The following SUFU variants were observed in gnomAD, a reference collection of about 807,000 sequenced individuals.
SUFU encodes the protein suppressor of fused homolog.
SUFU carries 7 observed loss-of-function variants against 58.9 expected under a neutral mutation model. The observed-to-expected ratio is 0.12, with a 90% CI of 0.07 to 0.22. SUFU has a LOEUF of 0.22. Among genes scored for constraint, SUFU ranks in the 10% least tolerant of loss-of-function variants. The pLI is 1.00. For synonymous variants in SUFU, 232 were observed against 254.8 expected (o/e 0.91, Z 0.85); for missense variants, 451 against 641.3 (o/e 0.70, Z 3.20).
chr10:102,526,323 G>A (rs377114500), intron 2 of SUFU, among the ~76,000 whole-genome samples: 2 of 152,138 alleles, frequency 1.3e-5, no homozygotes, highest in Admixed American at 6.5e-5. Flanking sequence ...GAGGCCACGG[G>A]GGGGTGGATC....
intron 3 of SUFU, among the ~76,000 whole-genome samples, chr10:102,588,544 A>G (rs1402679979): frequency 6.6e-6 from 1 of 152,206 alleles, no homozygotes; most frequent in East Asian, 1.9e-4. Flanking sequence ...TTTTGAAATC[A>G]GGAAAATTAA....
At chr10:102,626,019 C>T (rs2063783204) in intron 10 of SUFU, among the ~76,000 whole-genome samples, 1 of 152,216 alleles carries the variant, frequency 6.6e-6, no homozygotes, top group Non-Finnish European at 1.5e-5. Flanking sequence ...GATCTTCACC[C>T]CATTATCTTT....
At chr10:102,526,993 G>GTTTTTTT (rs34862176) in intron 2 of SUFU, among the ~76,000 whole-genome samples, 3 of 102,046 alleles carry the variant, frequency 2.9e-5, no homozygotes, top group Non-Finnish European at 3.8e-5. Flanking sequence ...TATTATTATT[G>GTTTTTTT]TTTTTTTTTT....
intron 8 of SUFU, among the ~76,000 whole-genome samples, chr10:102,611,935 A>G (rs2063628187): frequency 6.6e-6 from 1 of 152,146 alleles, no homozygotes; most frequent in South Asian, 2.1e-4. Flanking sequence ...TCCAGCCCCC[A>G]AAGCCATGCC....
rs1227110017 is a variant in SUFU, at chr10:102,632,757, G to A, written c.*2602G>A. The A allele has an allele frequency of 8.6e-6, 2 of 233,286 alleles. No homozygotes were observed. The highest frequency in any genetic ancestry group is 4.4e-5 in the African/African-American group (2 of 45,338). 14.5% of individuals were successfully genotyped at this position (233,286 alleles called of 1,614,324 possible). On this transcript the variant is annotated 3_prime_UTR_variant, in exon 12 of 12. Transcript: ENST00000369902. Reference sequence around the variant, plus strand: ...TGCCTAGTTGTACCCACCCCTCCAGGTCCCTGGTGCTAGAGCTTCTGAGAA... The same window carrying A: ...TGCCTAGTTGTACCCACCCCTCCAGATCCCTGGTGCTAGAGCTTCTGAGAA...
intron 8 of SUFU, among the ~76,000 whole-genome samples, chr10:102,601,860 C>A (rs1590069905): frequency 6.6e-6 from 1 of 152,198 alleles, no homozygotes; most frequent in East Asian, 1.9e-4. Context: ...GGGGGGCAGC[C>A]AGCGTGGGCC....
Position 102,592,614 on chromosome 10 carries a change from T to C in SUFU, c.487T>C (p.Trp163Arg), listed in dbSNP as rs1345244778. The C allele has an allele frequency of 6.2e-7, 1 of 1,614,066 alleles. No homozygotes were observed. The highest frequency in any genetic ancestry group is 8.5e-7 in the Non-Finnish European group (1 of 1,180,030). Reference sequence around the variant, plus strand: ...CTTCTGCAGTGGGGACCATGTGTCCTGGCACAGCCCTTTGGATAACAGTGA... The same window carrying C: ...CTTCTGCAGTGGGGACCATGTGTCCCGGCACAGCCCTTTGGATAACAGTGA... ...NTFCSGDHVS[W>R]HSPLDNSESR... The change falls in exon 4 of 12, where the codon TGG becomes CGG. Residue 163 changes from tryptophan to arginine, a missense_variant. Transcript: ENST00000369902.
At position 102,530,990 on chromosome 10, in the gene SUFU, C is replaced by T. The variant is rs186799941; in HGVS notation, c.318-18980C>T. ...TGGTGGTTCACACCTGTAGTCCCAGCGCTTTGGGAGGCTGAGTCAGGAGGA... is the reference window on the plus strand; with the variant it reads ...TGGTGGTTCACACCTGTAGTCCCAGTGCTTTGGGAGGCTGAGTCAGGAGGA... On this transcript the variant is annotated intron_variant, in intron 2 of 11. Coordinates refer to ENST00000369902, the MANE Select transcript of SUFU (RefSeq NM_016169.4). Among the ~76,000 whole-genome samples the T allele has an allele frequency of 4.1e-4, 61 of 150,370 alleles. 1 individual carries two copies. Among genetic ancestry groups the T allele is most frequent in the Admixed American group, 3.7e-3 (55 of 14,946 alleles).
In SUFU at chr10:102,517,311, A is replaced by G. The variant is rs536250684; in HGVS notation, c.317+8008A>G. Among the ~76,000 whole-genome samples, 37 of 152,156 alleles carry G rather than the reference A, an allele frequency of 2.4e-4. 1 individual carries two copies. The highest frequency in any genetic ancestry group is 1.9e-3 in the South Asian group (9 of 4,810). ...CAAAAAAACAAAACAAAGCAAAACA[A>G]ACAAACAAAAAGAACAACTGAGTGG... On this transcript the variant is annotated intron_variant, in intron 2 of 11. Coordinates refer to ENST00000369902, the MANE Select transcript of SUFU (RefSeq NM_016169.4).
chr10:102,505,069 G>C (rs1564655035), intron 1 of SUFU, among the ~76,000 whole-genome samples: 1 of 152,186 alleles, frequency 6.6e-6, no homozygotes, highest in Non-Finnish European at 1.5e-5. Context: ...GAGAACCATG[G>C]TTTGGCTTAG....
intron 2 of SUFU, among the ~76,000 whole-genome samples, chr10:102,527,647 TTGGG>T (rs748733866): frequency 6.6e-6 from 1 of 152,174 alleles, no homozygotes; most frequent in Non-Finnish European, 1.5e-5. Context: ...GATTATCTCT[TTGGG>T]TGGCAGTGGG....
chr10:102,617,597 G>C lies in SUFU; in HGVS notation c.1296+169G>C, dbSNP rs967054992. ...TGTGTAGGTATGGAGTGTGGATGCT[G>C]CTACCCACTCCAGCAGCTTAGGAGC... On this transcript the variant is annotated intron_variant, in intron 10 of 11. Transcript: ENST00000369902. This position sits in a 1 kb window ranked among gnomAD's most constrained non-coding sequence, Gnocchi z 4.4. 7 of 847,048 alleles carry C rather than the reference G, an allele frequency of 8.3e-6. No individual in the cohort carries two copies. The highest frequency in any genetic ancestry group is 1.1e-5 in the Non-Finnish European group (6 of 531,984). The allele number at this position is 847,048 out of a possible 1,614,324, so 52.5% of individuals were successfully genotyped here. A position where few individuals can be genotyped will look rare whatever the true frequency, so the allele number is the denominator to read the frequency against.
chr10:102,568,921 CACATATATATATATATAT>C (rs1209159854), intron 3 of SUFU, among the ~76,000 whole-genome samples: 5 of 9,544 alleles, frequency 5.2e-4, no homozygotes, highest in African/African-American at 1.9e-3. Context: ...TATATATATA[CACATATATATATATATAT>C]ATATATATAT....
chr10:102,633,269 A>G lies in SUFU; in HGVS notation c.*3114A>G. 1 of 233,142 alleles carries G rather than the reference A, an allele frequency of 4.3e-6. No individual in the cohort carries two copies. Among genetic ancestry groups the G allele is most frequent in the Non-Finnish European group, 8.5e-6 (1 of 117,786 alleles). The allele number at this position is 233,142 out of a possible 1,614,324, so 14.4% of individuals were successfully genotyped here. A position where few individuals can be genotyped will look rare whatever the true frequency, so the allele number is the denominator to read the frequency against. ...CCCCTCCTTTTGTACAAGTACCTGA[A>G]TGCTGCGACAAGCAGATTTTTGTAA... On this transcript the variant is annotated 3_prime_UTR_variant, in exon 12 of 12. Coordinates refer to ENST00000369902, the MANE Select transcript of SUFU (RefSeq NM_016169.4).
intron 2 of SUFU, among the ~76,000 whole-genome samples, chr10:102,512,470 A>T (rs2062411645): frequency 6.6e-6 from 1 of 152,232 alleles, no homozygotes; most frequent in Admixed American, 6.5e-5. Context: ...GCCCAAAATA[A>T]CATGAAGAAT....
At chr10:102,557,311 C>T (rs2062992049) in intron 3 of SUFU, among the ~76,000 whole-genome samples, 1 of 151,442 alleles carries the variant, frequency 6.6e-6, no homozygotes, top group African/African-American at 2.4e-5. Flanking sequence ...GGCGTGGTGG[C>T]TCACATCTGT....
intron 3 of SUFU, among the ~76,000 whole-genome samples, chr10:102,581,408 C>T (rs1042329258): frequency 2.0e-5 from 3 of 152,096 alleles, no homozygotes; most frequent in African/African-American, 7.2e-5. Flanking sequence ...TCCAGATTTT[C>T]TCCTCCTCTC....
intron 3 of SUFU, among the ~76,000 whole-genome samples, chr10:102,551,696 CA>C (rs1272761882): frequency 2.3e-5 from 3 of 132,614 alleles, no homozygotes; most frequent in Admixed American, 1.6e-4. Flanking sequence ...AATAATGGAA[CA>C]AATTATTATT....
At chr10:102,622,094 C>T (rs2063744094) in intron 10 of SUFU, among the ~76,000 whole-genome samples, 1 of 152,206 alleles carries the variant, frequency 6.6e-6, no homozygotes, top group South Asian at 2.1e-4. Flanking sequence ...GGAGTAGCTG[C>T]TGGCCTAGAT....
Sources: gnomAD v4.1 joint callset for allele counts (sites outside exome capture counted in the v4.1 genomes callset) on GRCh38, gnomAD v4.1.1 for gene constraint, Gnocchi (gnomAD v3.1) non-coding constraint, MANE v1.5 for transcripts, NCBI Gene and HGNC (gene_info 2026-07-23, HGNC 2026-07-21) for gene names.